The following CTNND2 variants were observed in gnomAD, a reference collection of about 807,000 sequenced individuals.
The protein encoded by CTNND2 is catenin delta 2.
Under a neutral mutation model 144.4 loss-of-function variants are expected in CTNND2, and 22 were observed. That is an observed-to-expected ratio of 0.15 (90% CI 0.11 to 0.22). The LOEUF (loss-of-function observed/expected upper bound fraction) is 0.22. Ranked by LOEUF, CTNND2 falls within the 10% of genes least tolerant of loss-of-function variation. The pLI is 1.00. For missense variants in CTNND2, 1,353 were observed against 1,618.8 expected (o/e 0.84, Z 2.82); for synonymous variants, 751 against 695.6 (o/e 1.08, Z -1.25).
At chr5:10,983,193 G>A (rs575040485) in intron 20 of CTNND2, among the ~76,000 whole-genome samples, 1 of 152,290 alleles carries the variant, frequency 6.6e-6, no homozygotes, top group South Asian at 2.1e-4. Flanking sequence ...TGTTTAAGGT[G>A]ATGGTATCTC....
chr5:11,879,807 G>C (rs1323571917), intron 1 of CTNND2, among the ~76,000 whole-genome samples: 1 of 152,160 alleles, frequency 6.6e-6, no homozygotes, highest in African/African-American at 2.4e-5. Flanking sequence ...GATGTGGGTA[G>C]GGCTGTTCTC....
chr5:11,769,622 C>T (rs910284417), intron 1 of CTNND2, among the ~76,000 whole-genome samples: 1 of 152,074 alleles, frequency 6.6e-6, no homozygotes, highest in African/African-American at 2.4e-5. Flanking sequence ...TCACTAGAAA[C>T]TGAATTCCAT....
At chr5:11,630,135 T>A (rs569269199) in intron 2 of CTNND2, among the ~76,000 whole-genome samples, 3 of 152,322 alleles carry the variant, frequency 2.0e-5, no homozygotes, top group Non-Finnish European at 2.9e-5. Context: ...TGCTTCTTAG[T>A]CCTGGCATCT....
intron 1 of CTNND2, among the ~76,000 whole-genome samples, chr5:11,781,451 A>T (rs1472208784): frequency 6.6e-6 from 1 of 152,152 alleles, no homozygotes; most frequent in Non-Finnish European, 1.5e-5. Context: ...CTTATAATCA[A>T]ATGTTGGGGA....
intron 2 of CTNND2, among the ~76,000 whole-genome samples, chr5:11,586,622 T>A (rs1778880738): frequency 6.6e-6 from 1 of 152,170 alleles, no homozygotes; most frequent in Non-Finnish European, 1.5e-5. Flanking sequence ...CACATAAGAG[T>A]TGAACCACAT....
At chr5:11,503,220 A>C (rs1770703691) in intron 3 of CTNND2, among the ~76,000 whole-genome samples, 1 of 152,232 alleles carries the variant, frequency 6.6e-6, no homozygotes, top group Non-Finnish European at 1.5e-5. Flanking sequence ...GGGGAGACAC[A>C]GCTTATTAAA....
At chr5:11,205,426 G>C (rs1285242340) in intron 10 of CTNND2, among the ~76,000 whole-genome samples, 5 of 152,060 alleles carry the variant, frequency 3.3e-5, no homozygotes, top group Non-Finnish European at 7.4e-5. Flanking sequence ...CTTTGAAAAA[G>C]CTTTTTAAAA....
At chr5:11,118,590 T>C (rs993081323) in intron 12 of CTNND2, among the ~76,000 whole-genome samples, 8 of 152,152 alleles carry the variant, frequency 5.3e-5, no homozygotes, top group African/African-American at 2.4e-5. Context: ...TTGGTGATGC[T>C]GATGTTGAGA....
chr5:11,831,599 G>A (rs1017056729), intron 1 of CTNND2, among the ~76,000 whole-genome samples: 5 of 151,612 alleles, frequency 3.3e-5, no homozygotes, highest in Admixed American at 6.6e-5. Flanking sequence ...ACCTGGAGGC[G>A]GAGCTTGCAG....
rs775007495 is a variant in CTNND2, at chr5:11,346,498, T to C, written c.1502A>G (p.Asp501Gly). The C allele has an allele frequency of 1.2e-6, 2 of 1,606,016 alleles. No homozygotes were observed. Among genetic ancestry groups the C allele is most frequent in the South Asian group, 1.1e-5 (1 of 89,532 alleles). ...YAAGPASNYA[D>G]PYRQLQYCPS... The stretch of plus-strand genomic sequence containing the variant: ...ACAATACTGCAGCTGTCGGTAGGGG[T>C]CCGCGTAATTGGAGGCTGGGCCGGC... Residue 501 changes from aspartate to glycine, a missense_variant, in exon 9 of 22, where the codon GAC becomes GGC. Around this residue, in one of 4 missense-constraint regions of CTNND2, gnomAD observed 708 missense variants for 706.4 expected, o/e 1.00. Transcript: ENST00000304623.
intron 16 of CTNND2, among the ~76,000 whole-genome samples, chr5:11,030,774 T>C (rs1259151989): frequency 3.7e-4 from 53 of 143,908 alleles, no homozygotes; most frequent in Non-Finnish European, 6.9e-4. Context: ...TTTTTTTTTT[T>C]TAGTTTGTTT....
At chr5:11,511,583 T>C (rs1016386300) in intron 3 of CTNND2, among the ~76,000 whole-genome samples, 3 of 152,180 alleles carry the variant, frequency 2.0e-5, no homozygotes. Context: ...AATTTCTAGC[T>C]ATGCACTGAA....
intron 2 of CTNND2, among the ~76,000 whole-genome samples, chr5:11,569,151 T>A (rs764648061): frequency 6.6e-6 from 1 of 152,110 alleles, no homozygotes; most frequent in Non-Finnish European, 1.5e-5. Context: ...TAAAATGTAA[T>A]ACAGAGACTG....
chr5:11,146,562 T>C (rs1040873746), intron 12 of CTNND2, among the ~76,000 whole-genome samples: 1 of 152,186 alleles, frequency 6.6e-6, no homozygotes, highest in African/African-American at 2.4e-5. Context: ...AATTACGTGA[T>C]GATTAGAGGT....
At chr5:11,170,136 A>G in intron 11 of CTNND2, among the ~76,000 whole-genome samples, 1 of 152,202 alleles carries the variant, frequency 6.6e-6, no homozygotes, top group East Asian at 1.9e-4. Context: ...ACTTTTGGGG[A>G]AAATGAAGGT....
At chr5:11,316,287 G>C (rs1751465136) in intron 9 of CTNND2, among the ~76,000 whole-genome samples, 1 of 151,858 alleles carries the variant, frequency 6.6e-6, no homozygotes, top group Admixed American at 6.6e-5. Context: ...GTGTAGTGGT[G>C]TGATCTTGGC....
intron 16 of CTNND2, among the ~76,000 whole-genome samples, chr5:11,068,133 A>C (rs1747821921): frequency 6.6e-6 from 1 of 152,256 alleles, no homozygotes; most frequent in Admixed American, 6.5e-5. Context: ...TTTAAACTTT[A>C]ATAATTATAA....
At chr5:11,491,564 C>G (rs1456322585) in intron 3 of CTNND2, among the ~76,000 whole-genome samples, 1 of 152,180 alleles carries the variant, frequency 6.6e-6, no homozygotes, top group Non-Finnish European at 1.5e-5. Flanking sequence ...AGTTTAAAAT[C>G]TTAACCACAC....
intron 3 of CTNND2, among the ~76,000 whole-genome samples, chr5:11,536,291 T>C (rs1455183003): frequency 6.6e-6 from 1 of 152,134 alleles, no homozygotes; most frequent in Non-Finnish European, 1.5e-5. Context: ...CTGGAATCCC[T>C]GGCCTCAAGC....
Sources: gnomAD v4.1 joint callset for allele counts (sites outside exome capture counted in the v4.1 genomes callset) on GRCh38, gnomAD v4.1.1 for gene constraint, gnomAD v4.1.1 regional missense constraint, MANE v1.5 for transcripts, NCBI Gene and HGNC (gene_info 2026-07-23, HGNC 2026-07-21) for gene names.